The following ZNF460 variants were observed in gnomAD, a reference collection of about 807,000 sequenced individuals.
ZNF460 encodes zinc finger protein 272.
In ZNF460, 1 loss-of-function variant was observed where a neutral mutation model predicts 8.4. The observed-to-expected ratio is 0.12, with a 90% CI of 0.04 to 0.56. The LOEUF (loss-of-function observed/expected upper bound fraction) is 0.56, where lower values mean the gene tolerates loss of function less well. ZNF460 is among the 20% of genes least tolerant of loss of function. The probability of loss-of-function intolerance (pLI) is 0.91; values close to 1 mark genes in which losing one functional copy is unlikely to be tolerated. For missense variants in ZNF460, 477 were observed against 714.8 expected (o/e 0.67, Z 3.79); for synonymous variants, 262 against 259.9 (o/e 1.01, Z -0.08).
chr19:57,280,480 G>C, upstream of ZNF460: 1 of 376,928 alleles, frequency 2.7e-6, no homozygotes, highest in Non-Finnish European at 4.9e-6. Context: ...GGCCGGTTTG[G>C]CCCTGAAACA....
At position 57,280,630 on chromosome 19, in the gene ZNF460, C is replaced by T. The variant is rs947882514; in HGVS notation, c.-177C>T. Reference sequence around the variant, plus strand: ...CCTAACGAGGTGTCCCACCGGCGCCCGCCGAGGCCTAGGCCTCCGCAGCCG... The same window carrying T: ...CCTAACGAGGTGTCCCACCGGCGCCTGCCGAGGCCTAGGCCTCCGCAGCCG... On this transcript the variant is annotated 5_prime_UTR_variant, in exon 1 of 3. Coordinates refer to ENST00000360338, the MANE Select transcript of ZNF460 (RefSeq NM_006635.4). 11 of 852,702 alleles carry T rather than the reference C, an allele frequency of 1.3e-5. No individual in the cohort carries two copies. Among genetic ancestry groups the T allele is most frequent in the Non-Finnish European group, 1.8e-5 (10 of 567,184 alleles). 52.8% of individuals were successfully genotyped at this position (852,702 alleles called of 1,614,324 possible).
intron 1 of ZNF460, among the ~76,000 whole-genome samples, chr19:57,283,419 C>G (rs938502243): frequency 2.6e-5 from 4 of 151,678 alleles, no homozygotes; most frequent in African/African-American, 7.3e-5. Context: ...CTGCTCACCT[C>G]AGCCTCCGAA....
chr19:57,284,699 C>T (rs1222204229), intron 2 of ZNF460, 22 bp downstream of exon 2: 10 of 1,558,438 alleles, frequency 6.4e-6, no homozygotes, highest in Non-Finnish European at 8.7e-6. Flanking sequence ...CCTCTCCTCT[C>T]CAAAATCAGG....
Position 57,291,337 on chromosome 19 carries a change from C to T in ZNF460, c.796C>T (p.His266Tyr). Residue 266 changes from histidine (H) to tyrosine (Y), a missense_variant, in exon 3 of 3, where the codon CAC becomes TAC. Around this residue, in one of 5 missense-constraint regions of ZNF460, gnomAD observed 193 missense variants for 391.7 expected, o/e 0.49. Transcript: ENST00000360338. The surrounding 1 kb of genome is among the most constrained non-coding windows in gnomAD (Gnocchi z 8.4). ...ECGRTFNRGS[H>Y]LTRHQRVHSG... ...TGGAAGGACCTTCAATCGCGGGTCG[C>T]ACCTTACACGGCACCAGCGGGTTCA... The T allele has an allele frequency of 6.2e-7, 1 of 1,613,204 alleles. No individual in the cohort carries two copies. The highest frequency in any genetic ancestry group is 8.5e-7 in the Non-Finnish European group (1 of 1,179,864).
Position 57,284,689 on chromosome 19 carries a change from C to T in ZNF460, c.157+12C>T. On this transcript the variant is annotated intron_variant, in intron 2 of 2. Coordinates refer to ENST00000360338, the MANE Select transcript of ZNF460 (RefSeq NM_006635.4). ...TCTGGTCGCACTGGGTAAGGCCTGT[C>T]CTCTCCTCTCCAAAATCAGGGGCAC... 1 of 1,572,716 alleles carries T rather than the reference C, an allele frequency of 6.4e-7. No individual in the cohort carries two copies. Among genetic ancestry groups the T allele is most frequent in the Non-Finnish European group, 8.6e-7 (1 of 1,161,700 alleles).
chr19:57,281,556 ATTTTTTTTTT>A (rs71293946), intron 1 of ZNF460, among the ~76,000 whole-genome samples: 7 of 85,042 alleles, frequency 8.2e-5, no homozygotes, highest in Non-Finnish European at 1.5e-4. Flanking sequence ...TAACCCTGAA[ATTTTTTTTTT>A]TTTTTTTTTT....
intron 2 of ZNF460, among the ~76,000 whole-genome samples, chr19:57,289,705 A>T (rs2087902960): frequency 6.6e-6 from 1 of 151,966 alleles, no homozygotes; most frequent in South Asian, 2.1e-4. Flanking sequence ...GTTTCTCTTT[A>T]AAAATTTCAA....
In ZNF460 at chr19:57,291,271, C is replaced by T; in HGVS notation, c.730C>T (p.Arg244Trp). Residue 244 changes from arginine to tryptophan, a missense_variant, in exon 3 of 3, where the codon CGG becomes TGG. By Grantham distance (101) the Arg-to-Trp change is moderately radical. Transcript: ENST00000360338. This position sits in a 1 kb window ranked among gnomAD's most constrained non-coding sequence, Gnocchi z 8.4. The stretch of plus-strand genomic sequence containing the variant: ...CAGGTCACACCTCACACGGCACCAG[C>T]GGACTCACAATGGAGATAAGCCCTT... The part of the protein sequence containing the change: ...NRRSHLTRHQ[R>W]THNGDKPFVC... The T allele has an allele frequency of 1.2e-6, 2 of 1,613,886 alleles. No individual in the cohort carries two copies. The highest frequency in any genetic ancestry group is 1.7e-6 in the Non-Finnish European group (2 of 1,179,976).
chr19:57,280,983 C>T, intron 1 of ZNF460, 147 bp downstream of exon 1: 1 of 1,208,502 alleles, frequency 8.3e-7, no homozygotes, highest in Non-Finnish European at 1.2e-6. Context: ...TTTCCTTTAT[C>T]CGCAGTCCTG....
Position 57,293,264 on chromosome 19 carries a change from A to G in ZNF460, c.*1034A>G, listed in dbSNP as rs1389395302. The G allele has an allele frequency of 6.6e-6, 1 of 152,198 alleles. No homozygotes were observed. The highest frequency in any genetic ancestry group is 6.5e-5 in the Admixed American group (1 of 15,276). 9.4% of individuals were successfully genotyped at this position (152,198 alleles called of 1,614,324 possible). A position where few individuals can be genotyped will look rare whatever the true frequency, so the allele number is the denominator to read the frequency against. ...TAAGACATGTAGCTAAAGTAAGTTAAAAGATTATGATAAACTCAGAAAATA... is the reference window on the plus strand; with the variant it reads ...TAAGACATGTAGCTAAAGTAAGTTAGAAGATTATGATAAACTCAGAAAATA... On this transcript the variant is annotated 3_prime_UTR_variant, in exon 3 of 3. Transcript: ENST00000360338.
Position 57,292,884 on chromosome 19 carries a change from T to A in ZNF460, c.*654T>A, listed in dbSNP as rs1246832887. 1 of 152,288 alleles carries A rather than the reference T, an allele frequency of 6.6e-6. No individual in the cohort carries two copies. The highest frequency in any genetic ancestry group is 1.5e-5 in the Non-Finnish European group (1 of 68,096). The allele number at this position is 152,288 out of a possible 1,614,324, so 9.4% of individuals were successfully genotyped here. The stretch of plus-strand genomic sequence containing the variant: ...TATCTTTATGAGAAAGATGGAGGCT[T>A]GAGTTATGAAATACTTTTACATTTA... On this transcript the variant is annotated 3_prime_UTR_variant, in exon 3 of 3. Transcript: ENST00000360338.
chr19:57,285,379 G>A (rs1051001857), intron 2 of ZNF460, among the ~76,000 whole-genome samples: 1 of 152,170 alleles, frequency 6.6e-6, no homozygotes, highest in African/African-American at 2.4e-5. Flanking sequence ...CTCAGCTATT[G>A]TGTGGAACGA....
chr19:57,292,539 A>T lies in ZNF460; in HGVS notation c.*309A>T, dbSNP rs983971467. On this transcript the variant is annotated 3_prime_UTR_variant, in exon 3 of 3. Coordinates refer to ENST00000360338, the MANE Select transcript of ZNF460 (RefSeq NM_006635.4). ...TGCACTTAGGAAAACCTTCAGCCAC[A>T]TCTTTCTTATTAGTTTACAGTGAAA... 4 of 252,774 alleles carry T rather than the reference A, an allele frequency of 1.6e-5. No individual in the cohort carries two copies. The highest frequency in any genetic ancestry group is 3.1e-5 in the Non-Finnish European group (4 of 130,802). 15.7% of individuals were successfully genotyped at this position (252,774 alleles called of 1,614,324 possible). A position where few individuals can be genotyped will look rare whatever the true frequency, so the allele number is the denominator to read the frequency against.
At chr19:57,288,766 G>A (rs75593556) in intron 2 of ZNF460, among the ~76,000 whole-genome samples, 1 of 152,020 alleles carries the variant, frequency 6.6e-6, no homozygotes, top group East Asian at 1.9e-4. Flanking sequence ...TTCTCACTGG[G>A]CTTTGGTTCT....
At chr19:57,286,962 CA>C (rs35363381) in intron 2 of ZNF460, among the ~76,000 whole-genome samples, 27,690 of 102,380 alleles carry the variant, frequency 0.27, 2,354 homozygotes, top group East Asian at 0.3. Flanking sequence ...GACTCTGTCT[CA>C]AAAAAAAAAA....
chr19:57,281,619 G>A (rs2087840815), intron 1 of ZNF460, among the ~76,000 whole-genome samples: 2 of 132,818 alleles, frequency 1.5e-5, no homozygotes, highest in Admixed American at 1.7e-4. Flanking sequence ...AGGCTGGAGT[G>A]CAGTGGCGTG....
rs141148540 is a variant in ZNF460 at position 57,292,157 on chromosome 19, C to T, written c.1616C>T (p.Thr539Met). The stretch of plus-strand genomic sequence containing the variant: ...CCAGTGAGTGCAGTGAATATGGAAA[C>T]GCCTTCAATTGCCGCTCATTCCTCC... Reference protein sequence around the residue: ...SSPVSAVNMETPSIAAHSSSL... With the variant: ...SSPVSAVNMEMPSIAAHSSSL... The change falls in exon 3 of 3, where the codon ACG becomes ATG. Residue 539 changes from threonine to methionine, a missense_variant. Physicochemically the swap from Thr to Met is moderately conservative, Grantham distance 81. This residue lies in a region of ZNF460 where 83 missense variants were observed against 82.3 expected (regional missense o/e 1.01). Transcript: ENST00000360338. The T allele has an allele frequency of 4.3e-4, 691 of 1,614,068 alleles. 1 individual carries two copies. Among genetic ancestry groups the T allele is most frequent in the South Asian group, 5.8e-4 (53 of 91,086 alleles).
In ZNF460 at chr19:57,291,358, G is replaced by A. The variant is rs778379315; in HGVS notation, c.817G>A (p.Val273Ile). Reference sequence around the variant, plus strand: ...GTCGCACCTTACACGGCACCAGCGGGTTCACAGTGGAGAGAAGCCTTTTGT... The same window carrying A: ...GTCGCACCTTACACGGCACCAGCGGATTCACAGTGGAGAGAAGCCTTTTGT... Reference protein sequence around the residue: ...RGSHLTRHQRVHSGEKPFVCN... With the variant: ...RGSHLTRHQRIHSGEKPFVCN... Residue 273 changes from valine to isoleucine, a missense_variant, in exon 3 of 3, where the codon GTT becomes ATT. By Grantham distance (29) the Val-to-Ile change is conservative. This residue lies in a region of ZNF460 where 193 missense variants were observed against 391.7 expected (regional missense o/e 0.49). Coordinates refer to ENST00000360338, the MANE Select transcript of ZNF460 (RefSeq NM_006635.4). The surrounding 1 kb of genome is among the most constrained non-coding windows in gnomAD (Gnocchi z 8.4). 2 of 1,613,976 alleles carry A rather than the reference G, an allele frequency of 1.2e-6. No individual in the cohort carries two copies. Among genetic ancestry groups the A allele is most frequent in the East Asian group, 2.2e-5 (1 of 44,858 alleles).
rs377598956 is a variant in ZNF460 at position 57,280,498 on chromosome 19, G to C, written c.-309G>C. Reference sequence around the variant, plus strand: ...CGGTTTGGCCCTGAAACAGTGTGGGGCCTAGAGCGCTGGGTGGGCGCGTTC... The same window carrying C: ...CGGTTTGGCCCTGAAACAGTGTGGGCCCTAGAGCGCTGGGTGGGCGCGTTC... On this transcript the variant is annotated 5_prime_UTR_variant, in exon 1 of 3. Transcript: ENST00000360338. 36 of 466,948 alleles carry C rather than the reference G, an allele frequency of 7.7e-5. No individual in the cohort carries two copies. The highest frequency in any genetic ancestry group is 4.8e-4 in the South Asian group (20 of 41,674). 28.9% of individuals were successfully genotyped at this position (466,948 alleles called of 1,614,324 possible). A position where few individuals can be genotyped will look rare whatever the true frequency, so the allele number is the denominator to read the frequency against.
Sources: gnomAD v4.1 joint callset for allele counts (sites outside exome capture counted in the v4.1 genomes callset) on GRCh38, gnomAD v4.1.1 for gene constraint, gnomAD v4.1.1 regional missense constraint, Gnocchi (gnomAD v3.1) non-coding constraint, MANE v1.5 for transcripts, NCBI Gene and HGNC (gene_info 2026-07-23, HGNC 2026-07-21) for gene names.